The following GRIP1 variants were observed in gnomAD, a reference collection of about 807,000 sequenced individuals.
GRIP1 encodes the protein glutamate receptor-interacting protein 1.
A neutral mutation model predicts 129.9 loss-of-function variants in GRIP1; 45 were observed. The observed-to-expected ratio is 0.35, with a 90% confidence interval of 0.27 to 0.44. GRIP1 has a LOEUF of 0.44. Among genes scored for constraint, GRIP1 ranks in the 20% least tolerant of loss-of-function variants. GRIP1 has a pLI of 1.00. For synonymous variants in GRIP1, 530 were observed against 520.8 expected (o/e 1.02, Z -0.24); for missense variants, 1,196 against 1,396.8 (o/e 0.86, Z 2.29).
intron 23 of GRIP1, among the ~76,000 whole-genome samples, chr12:66,355,260 C>T (rs1238504307): frequency 1.3e-5 from 2 of 152,122 alleles, no homozygotes; most frequent in Non-Finnish European, 1.5e-5. Context: ...CACTACTATG[C>T]GTCAGGGACT....
At chr12:66,599,900 T>C (rs1232821867) in intron 1 of GRIP1, among the ~76,000 whole-genome samples, 1 of 152,226 alleles carries the variant, frequency 6.6e-6, no homozygotes, top group Non-Finnish European at 1.5e-5. Context: ...TAGTCCCATG[T>C]TCTTTCTTCT....
intron 1 of GRIP1, among the ~76,000 whole-genome samples, chr12:66,742,603 G>GTA (rs1183785264): frequency 6.6e-6 from 1 of 152,002 alleles, no homozygotes; most frequent in East Asian, 1.9e-4. Flanking sequence ...TATTTCTGGT[G>GTA]TATCATAATA....
intron 14 of GRIP1, among the ~76,000 whole-genome samples, chr12:66,430,382 G>A (rs2058112837): frequency 6.6e-6 from 1 of 152,136 alleles, no homozygotes; most frequent in Non-Finnish European, 1.5e-5. Flanking sequence ...TCTCTGTCCG[G>A]GAATAGCATA....
intron 7 of GRIP1, among the ~76,000 whole-genome samples, chr12:66,486,372 T>A (rs894418844): frequency 6.6e-6 from 1 of 152,152 alleles, no homozygotes; most frequent in Non-Finnish European, 1.5e-5. Context: ...AAAGAATTTT[T>A]AAATTTTTAA....
At chr12:66,518,487 A>T (rs11176242) in intron 5 of GRIP1, among the ~76,000 whole-genome samples, 103,274 of 152,034 alleles carry the variant, frequency 0.68, 35,634 homozygotes, top group African/African-American at 0.81. Context: ...TTGGGGCAAA[A>T]TTTTCAGACT....
At chr12:67,047,736 C>T (rs985952213) in intron 1 of GRIP1, among the ~76,000 whole-genome samples, 10 of 152,132 alleles carry the variant, frequency 6.6e-5, no homozygotes, top group African/African-American at 2.4e-4. Context: ...CATATTCTAT[C>T]TTTGTGGAAA....
At position 66,348,768 on chromosome 12, in the gene GRIP1, G is replaced by A. The variant is rs953479455; in HGVS notation, c.*251C>T. On this transcript the variant is annotated 3_prime_UTR_variant, in exon 25 of 25. Transcript: ENST00000359742. Reference sequence around the variant, plus strand: ...TGTTAATTGTAGAGTTGTGGGGGACGGCCTATTTTTCTCTACCGTTGGGAC... The same window carrying A: ...TGTTAATTGTAGAGTTGTGGGGGACAGCCTATTTTTCTCTACCGTTGGGAC... 1.4e-5 allele frequency: 7 copies of A among 506,570 alleles called. No homozygotes were observed. Among genetic ancestry groups the A allele is most frequent in the African/African-American group, 9.5e-5 (5 of 52,360 alleles). The allele number at this position is 506,570 out of a possible 1,614,324, so 31.4% of individuals were successfully genotyped here. A position where few individuals can be genotyped will look rare whatever the true frequency, so the allele number is the denominator to read the frequency against.
At chr12:67,066,296 G>A (rs1408908683) in intron 1 of GRIP1, among the ~76,000 whole-genome samples, 1 of 152,138 alleles carries the variant, frequency 6.6e-6, no homozygotes, top group Admixed American at 6.5e-5. Context: ...TTTGAATTGA[G>A]ATTGGCATGT....
At chr12:66,860,725 A>G (rs2040096718) in intron 1 of GRIP1, among the ~76,000 whole-genome samples, 1 of 152,026 alleles carries the variant, frequency 6.6e-6, no homozygotes, top group African/African-American at 2.4e-5. Flanking sequence ...TAATGTGACT[A>G]TGAATCACCA....
chr12:66,708,506 C>T (rs999161858), intron 1 of GRIP1, among the ~76,000 whole-genome samples: 23 of 151,626 alleles, frequency 1.5e-4, no homozygotes, highest in African/African-American at 3.4e-4. Context: ...TTTCTTAGTT[C>T]GGGCCTAGGT....
At chr12:67,064,085 T>G (rs940875205) in intron 1 of GRIP1, among the ~76,000 whole-genome samples, 1 of 152,244 alleles carries the variant, frequency 6.6e-6, no homozygotes, top group Non-Finnish European at 1.5e-5. Context: ...AATGAGTTAC[T>G]TAAAATGTAG....
intron 1 of GRIP1, chr12:67,037,414 A>C (rs1337813022): frequency 6.6e-6 from 1 of 151,250 alleles, no homozygotes; most frequent in South Asian, 2.1e-4. Context: ...GAGAATCAGA[A>C]GCCAATTCTT....
chr12:66,736,206 C>T (rs912844908), intron 1 of GRIP1, among the ~76,000 whole-genome samples: 1 of 151,884 alleles, frequency 6.6e-6, no homozygotes, highest in African/African-American at 2.4e-5. Flanking sequence ...TGCTCTGTTG[C>T]CTAGGCTGGA....
chr12:66,524,135 C>A (rs2061132344), intron 5 of GRIP1, among the ~76,000 whole-genome samples: 1 of 152,106 alleles, frequency 6.6e-6, no homozygotes, highest in Non-Finnish European at 1.5e-5. Flanking sequence ...AGAAAGTTAA[C>A]AAGGATACCC....
chr12:66,789,051 T>G (rs1285705191), intron 1 of GRIP1, among the ~76,000 whole-genome samples: 3 of 152,200 alleles, frequency 2.0e-5, no homozygotes, highest in Non-Finnish European at 4.4e-5. Flanking sequence ...TCTCAATTAC[T>G]TTATTTTTAG....
chr12:66,582,578 G>A (rs952837907), intron 2 of GRIP1, among the ~76,000 whole-genome samples: 15 of 137,688 alleles, frequency 1.1e-4, no homozygotes, highest in South Asian at 4.6e-4. Flanking sequence ...CAAAATCAAC[G>A]TACAAAAATC....
intron 1 of GRIP1, among the ~76,000 whole-genome samples, chr12:66,857,995 G>A (rs1435337042): frequency 1.3e-5 from 2 of 151,954 alleles, no homozygotes; most frequent in Admixed American, 1.3e-4. Flanking sequence ...TATCTCAGGA[G>A]TGTGAGGTTT....
chr12:66,740,958 G>A (rs1384749113), intron 1 of GRIP1, among the ~76,000 whole-genome samples: 2 of 152,058 alleles, frequency 1.3e-5, no homozygotes, highest in Non-Finnish European at 2.9e-5. Flanking sequence ...TGCTTTCAAT[G>A]TATGCACATT....
chr12:66,577,782 C>A (rs576553976), intron 2 of GRIP1, among the ~76,000 whole-genome samples: 1 of 151,930 alleles, frequency 6.6e-6, no homozygotes, highest in African/African-American at 2.4e-5. Flanking sequence ...AGATTGTGTA[C>A]CTACAAAAAA....
Sources: allele counts gnomAD v4.1 joint callset (sites outside exome capture counted in the v4.1 genomes callset), GRCh38; gene constraint gnomAD v4.1.1; transcripts MANE v1.5; gene names NCBI Gene and HGNC (gene_info 2026-07-23, HGNC 2026-07-21).